AMBRA1: variants seen among roughly 807,000 people sequenced by gnomAD.
The protein encoded by AMBRA1 is activating molecule in BECN1-regulated autophagy protein 1.
Under a neutral mutation model 125.4 loss-of-function variants are expected in AMBRA1, and 47 were observed. That is an observed-to-expected ratio of 0.37 (90% confidence interval 0.30 to 0.48). The LOEUF is 0.48. Ranked by LOEUF, AMBRA1 falls within the 20% of genes least tolerant of loss-of-function variation. The pLI is 0.99. For missense variants in AMBRA1, 1,331 were observed against 1,693.4 expected, an observed-to-expected ratio of 0.79 and a Z score of 3.76; for synonymous variants, 626 against 655.5, an observed-to-expected ratio of 0.95 and a Z score of 0.69.
chr11:46,426,607 C>T (rs1947149606), intron 14 of AMBRA1, among the ~76,000 whole-genome samples: 1 of 152,036 alleles, frequency 6.6e-6, no homozygotes, highest in South Asian at 2.1e-4. Flanking sequence ...TTTTATCTTG[C>T]CCCCCTCCCT....
intron 11 of AMBRA1, among the ~76,000 whole-genome samples, chr11:46,486,960 T>C (rs1251586450): frequency 6.8e-6 from 1 of 146,758 alleles, no homozygotes; most frequent in African/African-American, 2.5e-5. Flanking sequence ...TAAATACAAA[T>C]AAAAGAGATG....
rs114950537 is a variant in AMBRA1 at position 46,513,522 on chromosome 11, A to C, written c.2073-709T>G. ...TGTTTAAACCTCACCACAACCTAGA[A>C]AGGTAGGTATGACTACATACATGAG... On this transcript the variant is annotated intron_variant, in intron 7 of 17. Transcript: ENST00000683756. 1.5e-3 allele frequency among the ~76,000 whole-genome samples: 221 copies of C among 152,246 alleles called. 1 individual carries two copies. The highest frequency in any genetic ancestry group is 5.2e-3 in the African/African-American group (214 of 41,538).
At chr11:46,442,835 T>A (rs553923211) in intron 12 of AMBRA1, among the ~76,000 whole-genome samples, 35 of 152,350 alleles carry the variant, frequency 2.3e-4, no homozygotes, top group South Asian at 2.3e-3. Context: ...CAGCTTCAGA[T>A]ATGAACAACT....
intron 1 of AMBRA1, among the ~76,000 whole-genome samples, 179 bp from the exon 2 acceptor site, chr11:46,548,679 A>G (rs1056877560): frequency 6.6e-6 from 1 of 152,184 alleles, no homozygotes; most frequent in Admixed American, 6.5e-5. Context: ...CATATTCTCC[A>G]TAGCTCAACC....
At chr11:46,513,590 T>A (rs778558752) in intron 7 of AMBRA1, among the ~76,000 whole-genome samples, 46 of 152,278 alleles carry the variant, frequency 3.0e-4, no homozygotes, top group Non-Finnish European at 4.6e-4. Flanking sequence ...CTGTGGCACA[T>A]AACTATTAAG....
intron 11 of AMBRA1, among the ~76,000 whole-genome samples, chr11:46,473,447 A>G (rs1440222051): frequency 6.6e-6 from 1 of 152,256 alleles, no homozygotes; most frequent in African/African-American, 2.4e-5. Context: ...TTTCTCTGAT[A>G]GGATGAGTAT....
intron 7 of AMBRA1, among the ~76,000 whole-genome samples, chr11:46,520,073 A>AG (rs1951689952): frequency 6.6e-6 from 1 of 150,552 alleles, no homozygotes; most frequent in African/African-American, 2.4e-5. Flanking sequence ...CAGGAGGCAG[A>AG]GGTTGCAGTG....
chr11:46,535,337 CTAACA>C (rs1371814697), intron 7 of AMBRA1, among the ~76,000 whole-genome samples: 1 of 152,138 alleles, frequency 6.6e-6, no homozygotes, highest in Non-Finnish European at 1.5e-5. Flanking sequence ...TTTCTGCTAA[CTAACA>C]TAAGGATTCT....
At chr11:46,407,937 T>G (rs1199905770) in intron 17 of AMBRA1, among the ~76,000 whole-genome samples, 3 of 152,188 alleles carry the variant, frequency 2.0e-5, no homozygotes, top group Non-Finnish European at 4.4e-5. Context: ...CGAACTCTGC[T>G]GCTGGGAAGT....
chr11:46,447,757 T>C (rs1565169242), intron 11 of AMBRA1, among the ~76,000 whole-genome samples: 4 of 138,714 alleles, frequency 2.9e-5, no homozygotes. Context: ...GATAGATAGA[T>C]AGATAGATAG....
At chr11:46,445,076 A>C (rs570548265) in intron 11 of AMBRA1, among the ~76,000 whole-genome samples, 26 of 151,920 alleles carry the variant, frequency 1.7e-4, no homozygotes, top group African/African-American at 6.3e-4. Context: ...AAAAACAAAA[A>C]AAAAAAAACA....
At chr11:46,438,634 G>A (rs1947846372) in intron 12 of AMBRA1, among the ~76,000 whole-genome samples, 1 of 152,148 alleles carries the variant, frequency 6.6e-6, no homozygotes, top group Non-Finnish European at 1.5e-5. Flanking sequence ...CAGAGCTCCA[G>A]ATGACCCATA....
At position 46,558,689 on chromosome 11, in the gene AMBRA1, T is replaced by C. The variant is rs572867538; in HGVS notation, c.-120-10189A>G. ...AGAAGTTTTTCTGAAAATATGGAAATTAATAAATTTAGGTAACCAAAGATA... is the reference window on the plus strand; with the variant it reads ...AGAAGTTTTTCTGAAAATATGGAAACTAATAAATTTAGGTAACCAAAGATA... On this transcript the variant is annotated intron_variant, in intron 1 of 17. Coordinates refer to ENST00000683756, the MANE Select transcript of AMBRA1 (RefSeq NM_001387011.1). Among the ~76,000 whole-genome samples the C allele has an allele frequency of 1.2e-4, 19 of 152,068 alleles. No individual in the cohort carries two copies. The South Asian group carries it at 3.7e-3, about 30-fold the overall frequency.
chr11:46,466,981 G>A (rs1383675930), intron 11 of AMBRA1, among the ~76,000 whole-genome samples: 2 of 146,688 alleles, frequency 1.4e-5, no homozygotes, highest in East Asian at 2.0e-4. Context: ...GCAGTGGCAC[G>A]ATCTTGGCTC....
intron 12 of AMBRA1, among the ~76,000 whole-genome samples, chr11:46,442,812 G>A (rs1948084904): frequency 6.6e-6 from 1 of 152,202 alleles, no homozygotes; most frequent in Admixed American, 6.5e-5. Context: ...ACACAGACAA[G>A]ATAGAAAAAT....
At chr11:46,543,448 A>G in intron 6 of AMBRA1, 50 bp from the exon 7 acceptor site, 1 of 1,581,588 alleles carries the variant, frequency 6.3e-7, no homozygotes, top group Non-Finnish European at 8.6e-7. Flanking sequence ...GCAGTTAGGT[A>G]GAACCTCCAA....
chr11:46,448,334 T>A (rs1948411439), intron 11 of AMBRA1, among the ~76,000 whole-genome samples: 1 of 152,160 alleles, frequency 6.6e-6, no homozygotes, highest in Non-Finnish European at 1.5e-5. Context: ...ACTGACAGAT[T>A]AAACAATACA....
chr11:46,532,309 T>TA (rs1952254916), intron 7 of AMBRA1, among the ~76,000 whole-genome samples: 1 of 152,162 alleles, frequency 6.6e-6, no homozygotes, highest in Non-Finnish European at 1.5e-5. Flanking sequence ...AAATGTACAC[T>TA]AACACCTCAA....
At chr11:46,511,226 T>C (rs1951245121) in intron 8 of AMBRA1, among the ~76,000 whole-genome samples, 1 of 152,220 alleles carries the variant, frequency 6.6e-6, no homozygotes, top group Non-Finnish European at 1.5e-5. Flanking sequence ...TTGATTCATA[T>C]GAAAAATTCC....
Sources: allele counts gnomAD v4.1 joint callset (sites outside exome capture counted in the v4.1 genomes callset), GRCh38; gene constraint gnomAD v4.1.1; transcripts MANE v1.5; gene names NCBI Gene and HGNC (gene_info 2026-07-23, HGNC 2026-07-21).